EPHA5: variants seen among roughly 807,000 people sequenced by gnomAD.
EPHA5 encodes the protein ephrin type-A receptor 5.
EPHA5 carries 60 observed loss-of-function variants against 105.0 expected under a neutral mutation model. That is an observed-to-expected ratio of 0.57 (90% CI 0.46 to 0.71). EPHA5 has a LOEUF of 0.71. Among genes scored for constraint, EPHA5 ranks in the 30% least tolerant of loss-of-function variants. The pLI is 0.00. For synonymous variants in EPHA5, 513 were observed against 449.1 expected (o/e 1.14, Z -1.80); for missense variants, 1,218 against 1,274.7 (o/e 0.96, Z 0.68).
chr4:65,455,057 C>T (rs574661228), intron 5 of EPHA5, among the ~76,000 whole-genome samples: 1 of 151,902 alleles, frequency 6.6e-6, no homozygotes, highest in Non-Finnish European at 1.5e-5. Flanking sequence ...CATGGTGAAA[C>T]CCTGTCTCTA....
intron 8 of EPHA5, among the ~76,000 whole-genome samples, chr4:65,400,048 C>G (rs1236455280): frequency 6.6e-6 from 1 of 152,078 alleles, no homozygotes; most frequent in African/African-American, 2.4e-5. Context: ...TATCAATAAT[C>G]ATATTTAAAG....
intron 3 of EPHA5, among the ~76,000 whole-genome samples, chr4:65,549,341 A>C (rs550439671): frequency 6.6e-6 from 1 of 152,272 alleles, no homozygotes; most frequent in East Asian, 1.9e-4. Context: ...GGAATTCTAA[A>C]AGGTATTCTG....
chr4:65,627,627 G>T (rs1235464418), intron 2 of EPHA5, among the ~76,000 whole-genome samples: 1 of 152,098 alleles, frequency 6.6e-6, no homozygotes, highest in Non-Finnish European at 1.5e-5. Context: ...AAGACAGAAA[G>T]ATATCTCATG....
Position 65,414,264 on chromosome 4 carries a change from C to T in EPHA5, c.1687+20G>A, listed in dbSNP as rs371026045. ...TAACCATTACTGAGACATGAGCTGA[C>T]AGTAATTAAAATGACTTACACACTG... On this transcript the variant is annotated intron_variant, in intron 7 of 16. Transcript: ENST00000613740. The T allele has an allele frequency of 1.2e-5, 19 of 1,611,100 alleles. No homozygotes were observed. The African/African-American group carries it at 1.5e-4, about 12-fold the overall frequency.
At chr4:65,524,524 A>T (rs1157644657) in intron 3 of EPHA5, among the ~76,000 whole-genome samples, 2 of 151,922 alleles carry the variant, frequency 1.3e-5, no homozygotes, top group South Asian at 2.1e-4. Context: ...GACCAGATTA[A>T]TGTTGGATGG....
intron 3 of EPHA5, among the ~76,000 whole-genome samples, chr4:65,554,824 C>T (rs1023308061): frequency 1.3e-5 from 2 of 151,150 alleles, no homozygotes; most frequent in African/African-American, 2.4e-5. Context: ...ATTTTAAGGC[C>T]TATGTATATA....
intron 3 of EPHA5, among the ~76,000 whole-genome samples, chr4:65,579,107 C>T (rs941152561): frequency 6.6e-6 from 1 of 151,470 alleles, no homozygotes; most frequent in African/African-American, 2.4e-5. Context: ...AGGAAGGGTA[C>T]TTTCTTTATA....
chr4:65,509,676 C>T (rs745784320), intron 3 of EPHA5, among the ~76,000 whole-genome samples: 3 of 152,032 alleles, frequency 2.0e-5, no homozygotes, highest in African/African-American at 4.8e-5. Flanking sequence ...CACACTTTTG[C>T]GACCCTATGA....
chr4:65,490,694 C>T lies in EPHA5; in HGVS notation c.1085G>A (p.Arg362Gln), dbSNP rs763166233. The stretch of plus-strand genomic sequence containing the variant: ...TTCATTAACATTTGAGATGGCATTC[C>T]GAGGAGCAGAGGGGGGTCCTGGTTT... ...MACTRPPSAP[R>Q]NAISNVNETS... is the part of the protein sequence containing the mutation. The change falls in exon 5 of 17, where the codon CGG becomes CAG. Residue 362 changes from arginine (R) to glutamine (Q), a missense_variant. Around this residue, in one of 3 missense-constraint regions of EPHA5, gnomAD observed 971 missense variants for 1,013.5 expected, o/e 0.96. Coordinates refer to ENST00000613740, the MANE Select transcript of EPHA5 (RefSeq NM_001281766.3). 5.0e-6 allele frequency: 8 copies of T among 1,613,642 alleles called. No homozygotes were observed. Among genetic ancestry groups the T allele is most frequent in the South Asian group, 2.2e-5 (2 of 91,062 alleles).
At chr4:65,507,537 T>C (rs1254179659) in intron 3 of EPHA5, among the ~76,000 whole-genome samples, 1 of 152,208 alleles carries the variant, frequency 6.6e-6, no homozygotes, top group Non-Finnish European at 1.5e-5. Flanking sequence ...ACCTCTTTTA[T>C]TTCATTGAGC....
intron 3 of EPHA5, among the ~76,000 whole-genome samples, chr4:65,527,805 T>G (rs1205895366): frequency 6.6e-6 from 1 of 151,988 alleles, no homozygotes; most frequent in Non-Finnish European, 1.5e-5. Flanking sequence ...TTAAGCCCGG[T>G]GTCCACTAAT....
intron 1 of EPHA5, among the ~76,000 whole-genome samples, chr4:65,666,242 A>G (rs111469154): frequency 1.7e-4 from 26 of 152,280 alleles, no homozygotes; most frequent in African/African-American, 5.8e-4. Flanking sequence ...AAGAAACTGG[A>G]CTTTTTAAAT....
intron 5 of EPHA5, among the ~76,000 whole-genome samples, chr4:65,438,143 T>G (rs1019104988): frequency 6.6e-6 from 1 of 151,894 alleles, no homozygotes; most frequent in African/African-American, 2.4e-5. Context: ...AAGAACAAGG[T>G]CCATACTTTC....
intron 5 of EPHA5, among the ~76,000 whole-genome samples, chr4:65,482,985 T>A (rs1730528119): frequency 1.3e-5 from 2 of 152,094 alleles, no homozygotes; most frequent in Admixed American, 6.5e-5. Flanking sequence ...ACATTAGGTA[T>A]ATCTCCTAAT....
At chr4:65,554,981 C>CAAAAAAAAAAAAAA (rs71205383) in intron 3 of EPHA5, among the ~76,000 whole-genome samples, 20 of 92,568 alleles carry the variant, frequency 2.2e-4, no homozygotes, top group African/African-American at 3.7e-4. Context: ...TATACAACAG[C>CAAAAAAAAAAAAAA]AAAAAAAAAA....
chr4:65,565,924 T>C (rs1200570629), intron 3 of EPHA5, among the ~76,000 whole-genome samples: 1 of 151,814 alleles, frequency 6.6e-6, no homozygotes, highest in South Asian at 2.1e-4. Flanking sequence ...CTCATTTTTT[T>C]CCTCCCTGTT....
chr4:65,588,786 C>T (rs1742360900), intron 3 of EPHA5, among the ~76,000 whole-genome samples: 1 of 152,128 alleles, frequency 6.6e-6, no homozygotes, highest in African/African-American at 2.4e-5. Context: ...CCTTAAAGGG[C>T]TTGCCATGAG....
chr4:65,476,166 A>G (rs931829630), intron 5 of EPHA5, among the ~76,000 whole-genome samples: 3 of 144,232 alleles, frequency 2.1e-5, no homozygotes, highest in Non-Finnish European at 3.0e-5. Context: ...GTGTTAAAAT[A>G]TGCAGATTAT....
At chr4:65,364,357 T>G (rs1335476594) in intron 11 of EPHA5, among the ~76,000 whole-genome samples, 1 of 151,626 alleles carries the variant, frequency 6.6e-6, no homozygotes, top group African/African-American at 2.4e-5. Flanking sequence ...CAAAAATACA[T>G]TACTTGTTGA....
Sources: gnomAD v4.1 joint callset for allele counts (sites outside exome capture counted in the v4.1 genomes callset) on GRCh38, gnomAD v4.1.1 for gene constraint, gnomAD v4.1.1 regional missense constraint, MANE v1.5 for transcripts, NCBI Gene and HGNC (gene_info 2026-07-23, HGNC 2026-07-21) for gene names.